The following SEC23A variants were observed in gnomAD, a reference collection of about 807,000 sequenced individuals.
The protein encoded by SEC23A is protein transport protein Sec23A.
Under a neutral mutation model 103.7 loss-of-function variants are expected in SEC23A, and 56 were observed. The ratio of observed to expected loss-of-function variants is 0.54; its 90% CI spans 0.44 to 0.67. The LOEUF (loss-of-function observed/expected upper bound fraction) is 0.67. Among genes scored for constraint, SEC23A ranks in the 30% least tolerant of loss-of-function variants. The probability of loss-of-function intolerance (pLI) is 0.00; values close to 1 mark genes in which losing one functional copy is unlikely to be tolerated. For synonymous variants in SEC23A, 281 were observed against 293.0 expected (o/e 0.96, Z 0.42); for missense variants, 784 against 936.4 (o/e 0.84, Z 2.12).
intron 9 of SEC23A, among the ~76,000 whole-genome samples, chr14:39,070,913 G>A (rs549076332): frequency 2.6e-4 from 40 of 152,250 alleles, no homozygotes; most frequent in African/African-American, 9.6e-4. Context: ...TGTAGTCCCA[G>A]CTACTCAGGA....
intron 15 of SEC23A, chr14:39,047,444 A>G (rs764716197): frequency 7.8e-7 from 1 of 1,280,498 alleles, no homozygotes; most frequent in South Asian, 1.2e-5. Flanking sequence ...CTCCTCTGTA[A>G]GCATGGAGTT....
chr14:39,076,431 A>ATTT (rs766282291), intron 7 of SEC23A, among the ~76,000 whole-genome samples: 1 of 134,558 alleles, frequency 7.4e-6, no homozygotes, highest in African/African-American at 2.7e-5. Context: ...TGGGTTTTTA[A>ATTT]TTTTTTTTTT....
Position 39,091,469 on chromosome 14 carries a change from T to C in SEC23A, c.603+8A>G, listed in dbSNP as rs1426071395. 1.3e-6 allele frequency: 2 copies of C among 1,599,604 alleles called. No homozygotes were observed. Among genetic ancestry groups the C allele is most frequent in the South Asian group, 2.2e-5 (2 of 90,812 alleles). Reference sequence around the variant, plus strand: ...AGATAGGTAAAAACTACCATTCTTGTTGTTTACCTGCAGTTGTTTGGCAGA... The same window carrying C: ...AGATAGGTAAAAACTACCATTCTTGCTGTTTACCTGCAGTTGTTTGGCAGA... On this transcript the variant is annotated splice_region_variant and intron_variant, in intron 5 of 19. Transcript: ENST00000307712.
At chr14:39,056,771 A>G (rs1886265655) in intron 13 of SEC23A, among the ~76,000 whole-genome samples, 1 of 152,106 alleles carries the variant, frequency 6.6e-6, no homozygotes, top group Non-Finnish European at 1.5e-5. Context: ...TCAAATTAGC[A>G]TTTTTTTAAA....
chr14:39,097,385 G>A (rs555356752), intron 1 of SEC23A, among the ~76,000 whole-genome samples: 1 of 152,298 alleles, frequency 6.6e-6, no homozygotes, highest in Admixed American at 6.5e-5. Flanking sequence ...TGAAAGAAGT[G>A]AACTGTGAAC....
At chr14:39,038,513 C>A (rs574547101) in intron 19 of SEC23A, among the ~76,000 whole-genome samples, 2 of 152,088 alleles carry the variant, frequency 1.3e-5, no homozygotes, top group South Asian at 4.2e-4. Flanking sequence ...AAGAGGTTAA[C>A]ACTTTTTTTT....
intron 7 of SEC23A, among the ~76,000 whole-genome samples, chr14:39,085,395 G>A (rs1887398257): frequency 6.6e-6 from 1 of 152,110 alleles, no homozygotes; most frequent in South Asian, 2.1e-4. Context: ...ACCCAAGAGT[G>A]TCCAATTTAC....
intron 11 of SEC23A, 117 bp downstream of exon 11, chr14:39,064,796 T>C (rs1886600719): frequency 2.5e-6 from 2 of 792,460 alleles, no homozygotes; most frequent in Non-Finnish European, 4.6e-6. Flanking sequence ...CCTGAGCTGG[T>C]CTCTAACTCC....
chr14:39,085,947 T>C lies in SEC23A; in HGVS notation c.684-41A>G, dbSNP rs931978825. The C allele has an allele frequency of 5.8e-6, 9 of 1,553,776 alleles. No individual in the cohort carries two copies. The Admixed American group carries it at 1.5e-4, about 26-fold the overall frequency. Reference sequence around the variant, plus strand: ...AAATAAAAAGCCATTTGTAAATGTTTATGGGTGAGAGTTCGATAAACAAAT... The same window carrying C: ...AAATAAAAAGCCATTTGTAAATGTTCATGGGTGAGAGTTCGATAAACAAAT... On this transcript the variant is annotated intron_variant, in intron 6 of 19. Coordinates refer to ENST00000307712, the MANE Select transcript of SEC23A (RefSeq NM_006364.4).
At position 39,099,154 on chromosome 14, in the gene SEC23A, GTTTTTTTT is replaced by G. The variant is rs35763261; in HGVS notation, c.-21-3023_-21-3016del. ...CAAGCAAACATTAAATTGTTTTTGG[GTTTTTTTT>G]TTTTTTTTTTTTTTTGACACGGAGT... On this transcript the variant is annotated intron_variant, in intron 1 of 19. Coordinates refer to ENST00000307712, the MANE Select transcript of SEC23A (RefSeq NM_006364.4). Among the ~76,000 whole-genome samples the G allele has an allele frequency of 1.0e-3, 84 of 83,676 alleles. 1 individual carries two copies. The highest frequency in any genetic ancestry group is 3.1e-3 in the African/African-American group (78 of 25,452). 54.9% of individuals were successfully genotyped at this position (83,676 alleles called of 152,430 possible).
In SEC23A at chr14:39,091,561, A is replaced by C. The variant is rs750776856; in HGVS notation, c.519T>G (p.Val173=). ...LVGLITFGRM[V]QVHELGCEGI... is the part of the protein sequence containing the mutation. Reference sequence around the variant, plus strand: ...CTTCACATCCAAGTTCATGAACCTGAACCATTCTCCCAAAAGTAATAAGTC... The same window carrying C: ...CTTCACATCCAAGTTCATGAACCTGCACCATTCTCCCAAAAGTAATAAGTC... The change falls in exon 5 of 20, where the codon GTT becomes GTG. Residue 173 remains valine (V), a synonymous_variant. Coordinates refer to ENST00000307712, the MANE Select transcript of SEC23A (RefSeq NM_006364.4). The C allele has an allele frequency of 4.2e-5, 68 of 1,613,950 alleles. 2 individuals carry two copies. In the South Asian group the frequency reaches 7.5e-4, roughly 18 times the overall value.
Position 39,065,130 on chromosome 14 carries a change from A to G in SEC23A, c.1228-137T>C, listed in dbSNP as rs150952851. ...TGAAAATATACTAACATGAAAAATA[A>G]TCAATCAATAAGCACTTCTATGCTC... On this transcript the variant is annotated intron_variant, in intron 10 of 19. Coordinates refer to ENST00000307712, the MANE Select transcript of SEC23A (RefSeq NM_006364.4). 2.4e-4 allele frequency: 170 copies of G among 700,754 alleles called. No individual in the cohort carries two copies. In the African/African-American group the frequency reaches 2.5e-3, roughly 10 times the overall value. The allele number at this position is 700,754 out of a possible 1,614,324, so 43.4% of individuals were successfully genotyped here.
At position 39,055,203 on chromosome 14, in the gene SEC23A, T is replaced by C; in HGVS notation, c.1599A>G (p.Arg533=). 6.2e-7 allele frequency: 1 copy of C among 1,614,190 alleles called. No homozygotes were observed. ...AILMARLAIY[R]AETEEGPDVL... Reference sequence around the variant, plus strand: ...CATCTGGACCTTCTTCTGTTTCTGCTCTATATATTGCTAGCCGGGCCATAA... The same window carrying C: ...CATCTGGACCTTCTTCTGTTTCTGCCCTATATATTGCTAGCCGGGCCATAA... Residue 533 remains arginine, a synonymous_variant, in exon 14 of 20, where the codon AGA becomes AGG. Transcript: ENST00000307712.
chr14:39,066,490 T>TAAA (rs1555328382), intron 10 of SEC23A, among the ~76,000 whole-genome samples: 27 of 149,392 alleles, frequency 1.8e-4, no homozygotes, highest in African/African-American at 6.4e-4. Context: ...TTTTTTTTTT[T>TAAA]AAAAAAAACA....
intron 7 of SEC23A, among the ~76,000 whole-genome samples, chr14:39,083,563 C>CTTTT (rs71130810): frequency 5.4e-5 from 5 of 91,810 alleles, no homozygotes; most frequent in East Asian, 8.5e-4. Context: ...AATAAACTTT[C>CTTTT]TTTTTTTTTT....
chr14:39,091,310 C>A, intron 5 of SEC23A, 167 bp downstream of exon 5: 1 of 618,070 alleles, frequency 1.6e-6, no homozygotes, highest in South Asian at 2.0e-5. Context: ...CAATTTAAGG[C>A]ACATGAAAAG....
At chr14:39,074,578 A>C (rs1283832154) in intron 8 of SEC23A, 48 bp from the exon 9 acceptor site, 4 of 1,220,932 alleles carry the variant, frequency 3.3e-6, no homozygotes, top group Admixed American at 3.4e-5. Context: ...TTGTCCTATA[A>C]ATCTTTTTTC....
Position 39,067,211 on chromosome 14 carries a change from G to C in SEC23A, c.1189C>G (p.Gln397Glu). 1.9e-6 allele frequency: 3 copies of C among 1,613,700 alleles called. No individual in the cohort carries two copies. Among genetic ancestry groups the C allele is most frequent in the Non-Finnish European group, 1.7e-6 (2 of 1,179,832 alleles). Reference protein sequence around the residue: ...QRVFTKDMHGQFKMGFGGTLE... With the variant: ...QRVFTKDMHGEFKMGFGGTLE... ...GTACCACCAAAGCCCATTTTAAACTGTCCATGCATGTCTTTGGTAAAGACT... is the reference window on the plus strand; with the variant it reads ...GTACCACCAAAGCCCATTTTAAACTCTCCATGCATGTCTTTGGTAAAGACT... The change falls in exon 10 of 20, where the codon CAG becomes GAG. Residue 397 changes from glutamine (Q) to glutamate (E), a missense_variant. Gln to Glu is a conservative substitution (Grantham distance 29). Coordinates refer to ENST00000307712, the MANE Select transcript of SEC23A (RefSeq NM_006364.4).
intron 9 of SEC23A, among the ~76,000 whole-genome samples, chr14:39,070,250 T>C (rs991879230): frequency 4.6e-5 from 7 of 152,232 alleles, no homozygotes; most frequent in African/African-American, 1.7e-4. Flanking sequence ...TTCATATTTA[T>C]TAGATGAATG....
Sources: allele counts gnomAD v4.1 joint callset (sites outside exome capture counted in the v4.1 genomes callset), GRCh38; gene constraint gnomAD v4.1.1; transcripts MANE v1.5; gene names NCBI Gene and HGNC (gene_info 2026-07-23, HGNC 2026-07-21).